NPFFR2: variants seen among roughly 807,000 people sequenced by gnomAD.
NPFFR2 encodes G-protein coupled receptor 74.
In NPFFR2, 15 loss-of-function variants were observed where a neutral mutation model predicts 13.1. The observed-to-expected ratio is 1.15, with a 90% CI of 0.77 to 1.76. The LOEUF is 1.76. NPFFR2 is among the 40% of genes most tolerant of loss of function. NPFFR2 has a pLI of 0.00. For missense variants in NPFFR2, 572 were observed against 503.5 expected, an observed-to-expected ratio of 1.14 and a Z score of -1.30; for synonymous variants, 190 against 175.7, an observed-to-expected ratio of 1.08 and a Z score of -0.65.
intron 1 of NPFFR2, among the ~76,000 whole-genome samples, chr4:72,066,417 A>T (rs1720073315): frequency 6.6e-6 from 1 of 152,182 alleles, no homozygotes; most frequent in South Asian, 2.1e-4. Context: ...AAATATATTC[A>T]GTCCATTCCC....
intron 1 of NPFFR2, among the ~76,000 whole-genome samples, chr4:72,053,073 A>G (rs1194831470): frequency 6.6e-6 from 1 of 151,800 alleles, no homozygotes; most frequent in Admixed American, 6.6e-5. Flanking sequence ...CTGTAGCTCG[A>G]CCACCTTGGG....
rs1226251781 is a variant in NPFFR2, at chr4:72,147,626, T to A, written c.1077T>A (p.Pro359=). Reference sequence around the variant, plus strand: ...AGCTCTGCCAAAAAAGAGCAAAGCCTATGGAAGCTTATGCCCTAAAAGCTA... The same window carrying A: ...AGCTCTGCCAAAAAAGAGCAAAGCCAATGGAAGCTTATGCCCTAAAAGCTA... ...QLQLCQKRAK[P]MEAYALKAKS... Residue 359 remains proline (P), a synonymous_variant, in exon 4 of 4, where the codon CCT becomes CCA. Coordinates refer to ENST00000308744, the MANE Select transcript of NPFFR2 (RefSeq NM_004885.3). The A allele has an allele frequency of 6.8e-6, 11 of 1,614,040 alleles. No individual in the cohort carries two copies. The highest frequency in any genetic ancestry group is 5.9e-6 in the Non-Finnish European group (7 of 1,180,030).
intron 3 of NPFFR2, among the ~76,000 whole-genome samples, chr4:72,143,455 A>G (rs1255050579): frequency 6.6e-6 from 1 of 152,114 alleles, no homozygotes; most frequent in South Asian, 2.1e-4. Context: ...AAAGGGGGCA[A>G]ATTCCTCCTT....
At chr4:72,037,881 A>C (rs553503242) in intron 1 of NPFFR2, among the ~76,000 whole-genome samples, 1 of 152,222 alleles carries the variant, frequency 6.6e-6, no homozygotes, top group Non-Finnish European at 1.5e-5. Flanking sequence ...ACACAGAAGT[A>C]TCAAAGACCA....
chr4:72,035,571 C>A (rs1391565133), intron 1 of NPFFR2, among the ~76,000 whole-genome samples: 1 of 152,158 alleles, frequency 6.6e-6, no homozygotes, highest in Non-Finnish European at 1.5e-5. Context: ...ACTGACAAGA[C>A]ATGTCCTGTT....
chr4:72,087,980 G>C (rs1720814298), intron 1 of NPFFR2, among the ~76,000 whole-genome samples: 1 of 151,892 alleles, frequency 6.6e-6, no homozygotes, highest in Non-Finnish European at 1.5e-5. Flanking sequence ...AAATTAAATG[G>C]GAGGTCAAGA....
intron 1 of NPFFR2, among the ~76,000 whole-genome samples, chr4:72,041,041 G>C (rs1008443265): frequency 2.0e-5 from 3 of 151,846 alleles, no homozygotes; most frequent in African/African-American, 4.8e-5. Flanking sequence ...GTGCTGGTTT[G>C]TTACAAAGGT....
chr4:72,055,728 T>C (rs1424901854), intron 1 of NPFFR2, among the ~76,000 whole-genome samples: 4 of 151,916 alleles, frequency 2.6e-5, no homozygotes, highest in Admixed American at 2.6e-4. Flanking sequence ...TCAGAGGAAA[T>C]TTAAAGTGCT....
intron 1 of NPFFR2, among the ~76,000 whole-genome samples, chr4:72,127,658 C>T (rs980799587): frequency 3.4e-4 from 50 of 149,160 alleles, no homozygotes; most frequent in Non-Finnish European, 4.4e-4. Flanking sequence ...CCACCGCGCC[C>T]GGCCCAATAA....
chr4:72,076,499 G>A (rs1431504836), intron 1 of NPFFR2, among the ~76,000 whole-genome samples: 1 of 152,062 alleles, frequency 6.6e-6, no homozygotes, highest in East Asian at 1.9e-4. Context: ...GCTTTGGAGT[G>A]CCCAAGAAAG....
intron 3 of NPFFR2, among the ~76,000 whole-genome samples, chr4:72,140,970 T>A (rs117289368): frequency 0.03 from 4,533 of 152,284 alleles, 453 homozygotes; most frequent in Admixed American, 0.19. Context: ...GAGATTCAAC[T>A]TCTTGGTTTA....
At chr4:72,038,197 C>T (rs868236886) in intron 1 of NPFFR2, among the ~76,000 whole-genome samples, 1 of 152,122 alleles carries the variant, frequency 6.6e-6, no homozygotes, top group Non-Finnish European at 1.5e-5. Context: ...CATTTCATCT[C>T]GGGTCTGGAA....
intron 1 of NPFFR2, among the ~76,000 whole-genome samples, chr4:72,081,732 C>T (rs1471752272): frequency 2.6e-5 from 4 of 152,014 alleles, no homozygotes; most frequent in South Asian, 2.1e-4. Context: ...CTCAAGCAGT[C>T]CTCCCGCCTT....
rs192985517 is a variant in NPFFR2 at position 72,051,095 on chromosome 4, C to T, written c.-8+18895C>T. On this transcript the variant is annotated intron_variant, in intron 1 of 3. Transcript: ENST00000308744. ...CATACGTGTGCATATGTCTTTATAGCAGCATGATTTATAGTCCTCTGGGTA... is the reference window on the plus strand; with the variant it reads ...CATACGTGTGCATATGTCTTTATAGTAGCATGATTTATAGTCCTCTGGGTA... Among the ~76,000 whole-genome samples, 585 of 151,966 alleles carry T rather than the reference C, an allele frequency of 3.8e-3. 3 individuals are homozygous for T. Among genetic ancestry groups the T allele is most frequent in the African/African-American group, 0.014 (563 of 41,462 alleles).
intron 2 of NPFFR2, among the ~76,000 whole-genome samples, chr4:72,135,659 A>G (rs56176369): frequency 0.016 from 2,380 of 152,022 alleles, 68 homozygotes; most frequent in African/African-American, 0.054. Flanking sequence ...TGTTATTAGT[A>G]ATAGTTTTTT....
In NPFFR2 at chr4:72,127,355, C is replaced by CTTTTTTTTTTTT. The variant is rs1341571145; in HGVS notation, c.-7-1226_-7-1225insTTTTTTTTTTTT. 1.3e-3 allele frequency among the ~76,000 whole-genome samples: 116 copies of CTTTTTTTTTTTT among 91,186 alleles called. 5 individuals are homozygous for CTTTTTTTTTTTT. Among genetic ancestry groups the CTTTTTTTTTTTT allele is most frequent in the African/African-American group, 2.8e-3 (61 of 21,698 alleles). 59.8% of individuals were successfully genotyped at this position (91,186 alleles called of 152,430 possible). A position where few individuals can be genotyped will look rare whatever the true frequency, so the allele number is the denominator to read the frequency against. ...AAGTCATACAGATTCTAAATAATTT[C>CTTTTTTTTTTTT]TTTTCTTTTTTTTTTTTTTTTTTTT... On this transcript the variant is annotated intron_variant, in intron 1 of 3. Coordinates refer to ENST00000308744, the MANE Select transcript of NPFFR2 (RefSeq NM_004885.3).
At chr4:72,107,682 G>A (rs1367167617) in intron 1 of NPFFR2, among the ~76,000 whole-genome samples, 2 of 151,880 alleles carry the variant, frequency 1.3e-5, no homozygotes, top group Non-Finnish European at 2.9e-5. Flanking sequence ...TAGAGGGTAA[G>A]GTAGAATGGG....
intron 1 of NPFFR2, among the ~76,000 whole-genome samples, chr4:72,054,191 T>C (rs546651271): frequency 6.6e-6 from 1 of 152,024 alleles, no homozygotes; most frequent in South Asian, 2.1e-4. Flanking sequence ...AACAACAATT[T>C]TTTTTAAATG....
chr4:72,074,845 C>T (rs551868233), intron 1 of NPFFR2, among the ~76,000 whole-genome samples: 12 of 151,962 alleles, frequency 7.9e-5, no homozygotes, highest in South Asian at 2.1e-4. Context: ...TCTATGCAAA[C>T]GGTAATAAAA....
Sources: gnomAD v4.1 joint callset for allele counts (sites outside exome capture counted in the v4.1 genomes callset) on GRCh38, gnomAD v4.1.1 for gene constraint, MANE v1.5 for transcripts, NCBI Gene and HGNC (gene_info 2026-07-23, HGNC 2026-07-21) for gene names.